The following UNC79 variants were observed in gnomAD, a reference collection of about 807,000 sequenced individuals.
UNC79 encodes the protein unc-79 subunit of NALCN channel complex, also known as protein unc-79 homolog.
Under a neutral mutation model 283.1 loss-of-function variants are expected in UNC79, and 37 were observed. The ratio of observed to expected loss-of-function variants is 0.13; its 90% CI spans 0.10 to 0.17. UNC79 has a LOEUF of 0.17. UNC79 is among the 10% of genes least tolerant of loss of function. The probability of loss-of-function intolerance (pLI) is 1.00; values close to 1 mark genes in which losing one functional copy is unlikely to be tolerated. For synonymous variants in UNC79, 1,107 were observed against 1,200.2 expected (o/e 0.92, Z 1.61); for missense variants, 2,272 against 3,211.1 (o/e 0.71, Z 7.07).
intron 23 of UNC79, among the ~76,000 whole-genome samples, chr14:93,594,660 G>A (rs2064936246): frequency 6.6e-6 from 1 of 152,174 alleles, no homozygotes; most frequent in Non-Finnish European, 1.5e-5. Flanking sequence ...TGCAGCTTGG[G>A]TATAATTTCC....
At chr14:93,557,438 G>C (rs1444452720) in intron 14 of UNC79, among the ~76,000 whole-genome samples, 1 of 152,058 alleles carries the variant, frequency 6.6e-6, no homozygotes, top group Non-Finnish European at 1.5e-5. Flanking sequence ...GCTCTCCTAG[G>C]CTCCTGCTTC....
rs1230944933 is a variant in UNC79 at position 93,430,991 on chromosome 14, A to T, written c.-39A>T. On this transcript the variant is annotated 5_prime_UTR_variant, in exon 1 of 49. Coordinates refer to ENST00000555664, the Ensembl canonical transcript of UNC79. The surrounding 1 kb of genome is among the most constrained non-coding windows in gnomAD (Gnocchi z 4.6). ...GGCGGAGCGAGGGAGCTCACACGAC[A>T]CAGATTTTGGGGCAAAGCCTTTCCA... is the stretch of plus-strand genomic sequence containing the variant. The T allele has an allele frequency of 1.4e-6, 1 of 700,298 alleles. No individual in the cohort carries two copies. Among genetic ancestry groups the T allele is most frequent in the South Asian group, 1.5e-5 (1 of 67,486 alleles). The allele number at this position is 700,298 out of a possible 1,614,324, so 43.4% of individuals were successfully genotyped here. A position where few individuals can be genotyped will look rare whatever the true frequency, so the allele number is the denominator to read the frequency against.
chr14:93,460,971 C>T (rs1007304927), intron 1 of UNC79, among the ~76,000 whole-genome samples: 3 of 152,112 alleles, frequency 2.0e-5, no homozygotes, highest in Admixed American at 6.5e-5. Flanking sequence ...AAGTAAATTA[C>T]GATTCTCTTA....
intron 27 of UNC79, among the ~76,000 whole-genome samples, 189 bp downstream of exon 28, chr14:93,613,272 C>G (rs2066437353): frequency 6.6e-6 from 1 of 150,750 alleles, no homozygotes; most frequent in Non-Finnish European, 1.5e-5. Flanking sequence ...AATAGTGAGA[C>G]AGAAAATGAC....
intron 1 of UNC79, among the ~76,000 whole-genome samples, chr14:93,460,596 T>C (rs2056933792): frequency 6.6e-6 from 1 of 152,140 alleles, no homozygotes; most frequent in Non-Finnish European, 1.5e-5. Flanking sequence ...GTATATACTC[T>C]GCTGGTATGT....
chr14:93,543,759 T>C (rs1223416123), intron 14 of UNC79, among the ~76,000 whole-genome samples: 1 of 152,218 alleles, frequency 6.6e-6, no homozygotes, highest in East Asian at 1.9e-4. Flanking sequence ...AAATTTTTTT[T>C]CCAAGTGTTT....
intron 1 of UNC79, among the ~76,000 whole-genome samples, chr14:93,365,212 C>T (rs912406150): frequency 6.6e-6 from 1 of 151,878 alleles, no homozygotes; most frequent in Non-Finnish European, 1.5e-5. Flanking sequence ...ATGGTGAAAC[C>T]CTGTCTATAC....
At chr14:93,395,571 G>A (rs2054977262) in intron 1 of UNC79, among the ~76,000 whole-genome samples, 1 of 152,206 alleles carries the variant, frequency 6.6e-6, no homozygotes, top group Non-Finnish European at 1.5e-5. Flanking sequence ...CAGGTGATGG[G>A]GAGGGCCCCC....
At chr14:93,582,510 C>T (rs752068810) in intron 20 of UNC79, among the ~76,000 whole-genome samples, 166 bp downstream of exon 20, 4 of 152,118 alleles carry the variant, frequency 2.6e-5, no homozygotes, top group Non-Finnish European at 5.9e-5. Context: ...TGAACAGATC[C>T]GTTACAGTTC....
Position 93,408,402 on chromosome 14 carries a change from C to T in UNC79, c.-350-59269C>T, listed in dbSNP as rs1272080924. Among the ~76,000 whole-genome samples the T allele has an allele frequency of 3.9e-5, 6 of 152,094 alleles. No individual in the cohort carries two copies. The South Asian group carries it at 8.3e-4, about 21-fold the overall frequency. ...AAACTATGGACTTTAGTTAATAATACCATAATAAGAACAGGTGCAGTGGCT... is the reference window on the plus strand; with the variant it reads ...AAACTATGGACTTTAGTTAATAATATCATAATAAGAACAGGTGCAGTGGCT... On this transcript the variant is annotated intron_variant, in intron 1 of 49. Transcript: ENST00000256339.
intron 1 of UNC79, among the ~76,000 whole-genome samples, chr14:93,382,213 T>C (rs982847351): frequency 6.6e-6 from 1 of 152,196 alleles, no homozygotes. Context: ...CTCAGGAGGC[T>C]GCAAATTGCC....
At chr14:93,409,282 TATA>T (rs1425681460) in intron 1 of UNC79, among the ~76,000 whole-genome samples, 1 of 152,182 alleles carries the variant, frequency 6.6e-6, no homozygotes, top group Admixed American at 6.5e-5. Flanking sequence ...TAATTTGAAA[TATA>T]ATATGAAATA....
chr14:93,682,772 C>T, intron 42 of UNC79, 78 bp downstream of exon 45: 1 of 1,449,382 alleles, frequency 6.9e-7, no homozygotes, highest in Admixed American at 1.8e-5. Context: ...TTTAGACTTA[C>T]ATCAGGGTTT....
chr14:93,407,845 G>A (rs754800421), intron 1 of UNC79, among the ~76,000 whole-genome samples: 4 of 152,022 alleles, frequency 2.6e-5, no homozygotes, highest in Non-Finnish European at 2.9e-5. Flanking sequence ...GATGAAAGAC[G>A]CAGACGATTT....
intron 1 of UNC79, among the ~76,000 whole-genome samples, chr14:93,371,055 C>G (rs2054433457): frequency 6.6e-6 from 1 of 152,094 alleles, no homozygotes; most frequent in South Asian, 2.1e-4. Flanking sequence ...TGCTCCACCT[C>G]CTGCCAAAAA....
chr14:93,586,611 C>T, exon 21 of UNC79: 1 of 1,613,496 alleles, frequency 6.2e-7, no homozygotes, highest in Non-Finnish European at 8.5e-7. Flanking sequence ...AAGAATGATA[C>T]CGAAAGAAAA....
At chr14:93,614,269 G>A (rs974657481) in intron 27 of UNC79, among the ~76,000 whole-genome samples, 6 of 151,522 alleles carry the variant, frequency 4.0e-5, no homozygotes, top group Non-Finnish European at 5.9e-5. Context: ...CAATAAAAGA[G>A]TATAGGCTTT....
Position 93,621,820 on chromosome 14 carries a change from G to A in UNC79, c.4587G>A (p.Glu1529=), listed in dbSNP as rs772150660. The A allele has an allele frequency of 1.5e-5, 25 of 1,613,394 alleles. No homozygotes were observed. The highest frequency in any genetic ancestry group is 2.1e-5 in the Non-Finnish European group (25 of 1,179,898). Residue 1529 remains glutamate (E), a synonymous_variant, in exon 30 of 49, where the codon GAG becomes GAA. Transcript: ENST00000555664. This position sits in a 1 kb window ranked among gnomAD's most constrained non-coding sequence, Gnocchi z 4.8. ...CGTGCATAGATCGGTGTGACATAGA[G>A]AAGCCTCCGACCCAAGCTGCGTATA... is the stretch of plus-strand genomic sequence containing the variant.
chr14:93,388,837 G>C (rs1347810796), intron 1 of UNC79, among the ~76,000 whole-genome samples: 1 of 152,136 alleles, frequency 6.6e-6, no homozygotes, highest in Non-Finnish European at 1.5e-5. Flanking sequence ...TAGTGGAACA[G>C]TTGGAAGTAA....
Sources: gnomAD v4.1 joint callset for allele counts (sites outside exome capture counted in the v4.1 genomes callset) on GRCh38, gnomAD v4.1.1 for gene constraint, Gnocchi (gnomAD v3.1) non-coding constraint, MANE v1.5 for transcripts, NCBI Gene and HGNC (gene_info 2026-07-23, HGNC 2026-07-21) for gene names.